The following DDX60L variants were observed in gnomAD, a reference collection of about 807,000 sequenced individuals.
DDX60L encodes the protein DExD/H-box 60 like.
Under a neutral mutation model 211.6 loss-of-function variants are expected in DDX60L, and 191 were observed. The ratio of observed to expected loss-of-function variants is 0.90; its 90% CI spans 0.80 to 1.02. The LOEUF (loss-of-function observed/expected upper bound fraction) is 1.02, where lower values mean the gene tolerates loss of function less well. DDX60L is among the 50% of genes least tolerant of loss of function. The pLI is 0.00. For missense variants in DDX60L, 2,007 were observed against 1,984.1 expected (o/e 1.01, Z -0.22); for synonymous variants, 706 against 694.1 (o/e 1.02, Z -0.27).
chr4:168,450,146 A>T (rs1755609077), intron 8 of DDX60L, among the ~76,000 whole-genome samples: 1 of 151,930 alleles, frequency 6.6e-6, no homozygotes, highest in Non-Finnish European at 1.5e-5. Context: ...CAAGATTCTG[A>T]CCCTCCCCAG....
At chr4:168,448,001 A>G (rs1294464803) in intron 9 of DDX60L, among the ~76,000 whole-genome samples, 1 of 151,906 alleles carries the variant, frequency 6.6e-6, no homozygotes. Context: ...CACAATGTGC[A>G]CATGTACCCT....
At chr4:168,392,700 A>G (rs1240364955) in intron 28 of DDX60L, among the ~76,000 whole-genome samples, 2 of 152,066 alleles carry the variant, frequency 1.3e-5, no homozygotes. Context: ...AAAATTAGCC[A>G]GGCATGGTGG....
At chr4:168,378,248 A>C (rs1742314284) in intron 33 of DDX60L, 106 bp downstream of exon 33, 1 of 583,222 alleles carries the variant, frequency 1.7e-6, no homozygotes, top group Non-Finnish European at 2.7e-6. Flanking sequence ...ATTAAAACAA[A>C]TGGAGTAGCT....
chr4:168,422,054 G>T, intron 16 of DDX60L, 145 bp from the exon 17 acceptor site: 1 of 939,252 alleles, frequency 1.1e-6, no homozygotes, highest in Non-Finnish European at 1.6e-6. Context: ...GATTAGGTCT[G>T]GTGAACACTC....
At position 168,396,169 on chromosome 4, in the gene DDX60L, A is replaced by G. The variant is rs747828687; in HGVS notation, c.3492-45T>C. ...AAAAACTTTTAAGTAATGAAAACTC[A>G]TATTCAGTTACTGCAAGAAGCCTAA... is the stretch of plus-strand genomic sequence containing the variant. On this transcript the variant is annotated intron_variant, in intron 26 of 37. Transcript: ENST00000682922. 10 of 1,192,640 alleles carry G rather than the reference A, an allele frequency of 8.4e-6. No individual in the cohort carries two copies. The African/African-American group carries it at 1.4e-4, about 17-fold the overall frequency. 73.9% of individuals were successfully genotyped at this position (1,192,640 alleles called of 1,614,324 possible).
chr4:168,390,687 G>C (rs1430270144), intron 29 of DDX60L, among the ~76,000 whole-genome samples: 1 of 150,108 alleles, frequency 6.7e-6, no homozygotes, highest in Non-Finnish European at 1.5e-5. Context: ...TCTTCCCTTT[G>C]ACTTACAATA....
intron 19 of DDX60L, 35 bp from the exon 20 acceptor site, chr4:168,416,832 T>C (rs371968687): frequency 8.3e-7 from 1 of 1,202,050 alleles, no homozygotes; most frequent in East Asian, 2.4e-5. Context: ...GAAAAGTTGA[T>C]GTCAAAATCG....
At chr4:168,412,508 T>TG (rs1317252303) in intron 22 of DDX60L, among the ~76,000 whole-genome samples, 1 of 150,934 alleles carries the variant, frequency 6.6e-6, no homozygotes, top group Non-Finnish European at 1.5e-5. Context: ...CCTCTACTTG[T>TG]GGGAAAAAAA....
At chr4:168,441,205 C>A in intron 10 of DDX60L, 132 bp downstream of exon 10, 6 of 845,202 alleles carry the variant, frequency 7.1e-6, no homozygotes, top group South Asian at 1.9e-5. Flanking sequence ...TTTTAAACCT[C>A]AATTAAGAGG....
chr4:168,466,526 T>C (rs1026779869), intron 4 of DDX60L, among the ~76,000 whole-genome samples: 2 of 152,222 alleles, frequency 1.3e-5, no homozygotes, highest in African/African-American at 2.4e-5. Flanking sequence ...CATTTCAATT[T>C]GTAAAATTAT....
intron 29 of DDX60L, among the ~76,000 whole-genome samples, chr4:168,386,785 A>T (rs1037516182): frequency 6.6e-6 from 1 of 152,188 alleles, no homozygotes; most frequent in East Asian, 1.9e-4. Flanking sequence ...CATGCGAAAC[A>T]ATGACAGCAG....
chr4:168,415,188 A>G (rs1005819510), intron 22 of DDX60L, among the ~76,000 whole-genome samples: 1 of 152,052 alleles, frequency 6.6e-6, no homozygotes, highest in Non-Finnish European at 1.5e-5. Context: ...CTGTATCAAA[A>G]TATCTCATGT....
intron 34 of DDX60L, among the ~76,000 whole-genome samples, chr4:168,374,308 A>G (rs1408261298): frequency 2.0e-5 from 3 of 152,064 alleles, no homozygotes; most frequent in Non-Finnish European, 4.4e-5. Flanking sequence ...TGTGTCCTAC[A>G]TCAACAAATC....
rs554717166 is a variant in DDX60L at position 168,365,541 on chromosome 4, G to GA, written c.4929-4331dup. Among the ~76,000 whole-genome samples the GA allele has an allele frequency of 1.1e-3, 136 of 129,038 alleles. 1 individual carries two copies. The highest frequency in any genetic ancestry group is 4.5e-3 in the South Asian group (19 of 4,230). 84.7% of individuals were successfully genotyped at this position (129,038 alleles called of 152,430 possible). On this transcript the variant is annotated intron_variant, in intron 36 of 37. Coordinates refer to ENST00000682922, the MANE Select transcript of DDX60L (RefSeq NM_001012967.3). ...ACTAGTAATCATAAGTTTTTCATCA[G>GA]AAAAAAAAAAAAGCCCACGACTTAA...
In DDX60L at chr4:168,478,369, T is replaced by C. The variant is rs182249208; in HGVS notation, c.-111+2008A>G. ...ATTTGAGAGGGAATTAGGATGAAAA[T>C]AGAAACTCTCTGGGTGTAATTAACG... On this transcript the variant is annotated intron_variant, in intron 1 of 37. Coordinates refer to ENST00000682922, the MANE Select transcript of DDX60L (RefSeq NM_001012967.3). Among the ~76,000 whole-genome samples, 11 of 152,222 alleles carry C rather than the reference T, an allele frequency of 7.2e-5. 1 individual carries two copies. Among genetic ancestry groups the C allele is most frequent in the Admixed American group, 3.9e-4 (6 of 15,286 alleles).
chr4:168,419,927 G>C (rs758894130), intron 18 of DDX60L, among the ~76,000 whole-genome samples: 3 of 152,040 alleles, frequency 2.0e-5, no homozygotes, highest in African/African-American at 7.2e-5. Flanking sequence ...ACAAGACCTA[G>C]CAATTTTGAA....
At chr4:168,456,355 T>C (rs1432880797) in intron 6 of DDX60L, among the ~76,000 whole-genome samples, 1 of 151,918 alleles carries the variant, frequency 6.6e-6, no homozygotes, top group Non-Finnish European at 1.5e-5. Context: ...CAGAGAAATA[T>C]GAAAACCTAA....
intron 1 of DDX60L, among the ~76,000 whole-genome samples, chr4:168,477,144 G>A (rs943243812): frequency 2.6e-5 from 4 of 152,136 alleles, no homozygotes; most frequent in African/African-American, 9.7e-5. Context: ...GGCTGGGCGC[G>A]GTGGCTCACG....
At position 168,441,443 on chromosome 4, in the gene DDX60L, C is replaced by G. The variant is rs750412881; in HGVS notation, c.1188G>C (p.Leu396=). The G allele has an allele frequency of 4.3e-6, 7 of 1,612,856 alleles. No individual in the cohort carries two copies. Among genetic ancestry groups the G allele is most frequent in the Non-Finnish European group, 5.9e-6 (7 of 1,179,438 alleles). The part of the protein sequence containing the change: ...GDSIRRDYED[L]WNVVSHLVKE... ...TAACCAGGTGTGACACAACATTCCACAGGTCTTCATAATCCCTCCTAATGG... is the reference window on the plus strand; with the variant it reads ...TAACCAGGTGTGACACAACATTCCAGAGGTCTTCATAATCCCTCCTAATGG... Residue 396 remains leucine, a synonymous_variant, in exon 10 of 38, where the codon CTG becomes CTC. Transcript: ENST00000682922.
Sources: gnomAD v4.1 joint callset for allele counts (sites outside exome capture counted in the v4.1 genomes callset) on GRCh38, gnomAD v4.1.1 for gene constraint, MANE v1.5 for transcripts, NCBI Gene and HGNC (gene_info 2026-07-23, HGNC 2026-07-21) for gene names.